FREM3: variants seen among roughly 807,000 people sequenced by gnomAD.
FREM3 encodes the protein FRAS1-related extracellular matrix protein 3.
Under a neutral mutation model 129.1 loss-of-function variants are expected in FREM3, and 105 were observed. That is an observed-to-expected ratio of 0.81 (90% CI 0.69 to 0.96). The LOEUF (loss-of-function observed/expected upper bound fraction) is 0.96, where lower values mean the gene tolerates loss of function less well. FREM3 is among the 40% of genes least tolerant of loss of function. FREM3 has a pLI of 0.00. For missense variants in FREM3, 2,593 were observed against 2,666.3 expected, an observed-to-expected ratio of 0.97 and a Z score of 0.61; for synonymous variants, 1,014 against 1,044.9, an observed-to-expected ratio of 0.97 and a Z score of 0.57.
At position 143,585,245 on chromosome 4, in the gene FREM3, A is replaced by T. The variant is rs1738218198; in HGVS notation, c.6178+599T>A. The stretch of plus-strand genomic sequence containing the variant: ...CAACTGCAAATGAGAAAATGTGGGC[A>T]TCAATGTACATGGAAATGTCCTTTT... On this transcript the variant is annotated intron_variant, in intron 7 of 7. Transcript: ENST00000329798. The surrounding 1 kb of genome is among the most constrained non-coding windows in gnomAD (Gnocchi z 4.2). Among the ~76,000 whole-genome samples, 1 of 152,244 alleles carries T rather than the reference A, an allele frequency of 6.6e-6. No individual in the cohort carries two copies. Among genetic ancestry groups the T allele is most frequent in the African/African-American group, 2.4e-5 (1 of 41,466 alleles).
At chr4:143,611,750 T>A (rs1161060589) in intron 5 of FREM3, among the ~76,000 whole-genome samples, 1 of 152,176 alleles carries the variant, frequency 6.6e-6, no homozygotes, top group East Asian at 1.9e-4. Context: ...ATAGAGTATA[T>A]TGAATAAGGT....
In FREM3 at chr4:143,699,385, G is replaced by A. The variant is rs1404598043; in HGVS notation, c.1291C>T (p.Leu431=). 1.3e-6 allele frequency: 2 copies of A among 1,537,314 alleles called. No homozygotes were observed. Among genetic ancestry groups the A allele is most frequent in the South Asian group, 1.2e-5 (1 of 84,066 alleles). Reference sequence around the variant, plus strand: ...CTGTTATGGCTAGCCACTGGGACCAGAGTATTCATGGATTTCACTGTCACC... The same window carrying A: ...CTGTTATGGCTAGCCACTGGGACCAAAGTATTCATGGATTTCACTGTCACC... ...FMVTVKSMNT[L]VPVASHNRGL... The change falls in exon 1 of 8, where the codon CTG becomes TTG. Residue 431 remains leucine (L), a synonymous_variant. Coordinates refer to ENST00000329798, the MANE Select transcript of FREM3 (RefSeq NM_001168235.2). This position sits in a 1 kb window ranked among gnomAD's most constrained non-coding sequence, Gnocchi z 4.2.
At chr4:143,642,552 A>C (rs569612822) in intron 2 of FREM3, among the ~76,000 whole-genome samples, 2 of 152,208 alleles carry the variant, frequency 1.3e-5, no homozygotes, top group South Asian at 4.1e-4. Flanking sequence ...AGTCTCTTCC[A>C]TAAATGGTGC....
intron 2 of FREM3, among the ~76,000 whole-genome samples, chr4:143,640,898 C>A (rs1398409037): frequency 6.6e-6 from 1 of 152,036 alleles, no homozygotes; most frequent in Non-Finnish European, 1.5e-5. Flanking sequence ...TATTATTTAA[C>A]TTTTTATTCA....
chr4:143,661,254 T>C lies in FREM3; in HGVS notation c.5275+31859A>G, dbSNP rs567263669. Reference sequence around the variant, plus strand: ...ATAGCTCTTATTATTTTGAGATACGTCCCATCAATACCTAATTTATTGAGA... The same window carrying C: ...ATAGCTCTTATTATTTTGAGATACGCCCCATCAATACCTAATTTATTGAGA... On this transcript the variant is annotated intron_variant, in intron 2 of 7. Coordinates refer to ENST00000329798, the MANE Select transcript of FREM3 (RefSeq NM_001168235.2). Among the ~76,000 whole-genome samples the C allele has an allele frequency of 5.4e-3, 826 of 152,330 alleles. 6 individuals carry two copies. The highest frequency in any genetic ancestry group is 0.019 in the African/African-American group (790 of 41,574).
chr4:143,585,099 T>A lies in FREM3; in HGVS notation c.6178+745A>T, dbSNP rs1442293713. Reference sequence around the variant, plus strand: ...AACTAATGAGAACAAAGATACAACATACCAGAACTTCTGGGACACAGCTAA... The same window carrying A: ...AACTAATGAGAACAAAGATACAACAAACCAGAACTTCTGGGACACAGCTAA... On this transcript the variant is annotated intron_variant, in intron 7 of 7. Transcript: ENST00000329798. This position sits in a 1 kb window ranked among gnomAD's most constrained non-coding sequence, Gnocchi z 4.2. 6.6e-6 allele frequency among the ~76,000 whole-genome samples: 1 copy of A among 152,160 alleles called. No homozygotes were observed. The highest frequency in any genetic ancestry group is 1.9e-4 in the East Asian group (1 of 5,198).
Position 143,609,454 on chromosome 4 carries a change from C to T in FREM3, c.6028+1825G>A, listed in dbSNP as rs182087523. 1.1e-4 allele frequency among the ~76,000 whole-genome samples: 16 copies of T among 151,816 alleles called. No homozygotes were observed. In the East Asian group the frequency reaches 3.1e-3, roughly 30 times the overall value. ...CATTGATTATAAAAAGAAGGATATA[C>T]TGTGAAGTGGACTATGTAGAAAATG... On this transcript the variant is annotated intron_variant, in intron 6 of 7. Transcript: ENST00000329798.
At position 143,624,232 on chromosome 4, in the gene FREM3, C is replaced by T. The variant is rs1297523048; in HGVS notation, c.5529G>A (p.Val1843=). 1.3e-6 allele frequency: 2 copies of T among 1,536,086 alleles called. No individual in the cohort carries two copies. Among genetic ancestry groups the T allele is most frequent in the South Asian group, 2.4e-5 (2 of 84,034 alleles). The part of the protein sequence containing the change: ...NPGQTTATWR[V]RIIPDNEYET... Reference sequence around the variant, plus strand: ...CATATTCATTGTCAGGTATAATTCTCACCCTCCATGTGGCTGTAGTCTGTC... The same window carrying T: ...CATATTCATTGTCAGGTATAATTCTTACCCTCCATGTGGCTGTAGTCTGTC... The change falls in exon 4 of 8, where the codon GTG becomes GTA. Residue 1843 remains valine, a synonymous_variant. Coordinates refer to ENST00000329798, the MANE Select transcript of FREM3 (RefSeq NM_001168235.2).
intron 2 of FREM3, among the ~76,000 whole-genome samples, chr4:143,650,471 G>A (rs1407951654): frequency 6.6e-6 from 1 of 152,180 alleles, no homozygotes; most frequent in African/African-American, 2.4e-5. Flanking sequence ...TCTGTGAATG[G>A]TGAACATGGA....
intron 2 of FREM3, among the ~76,000 whole-genome samples, chr4:143,668,104 A>G (rs1022332316): frequency 3.3e-5 from 5 of 152,222 alleles, no homozygotes; most frequent in Non-Finnish European, 7.3e-5. Context: ...TTTTCTAAAC[A>G]CTATTTAGCA....
intron 2 of FREM3, among the ~76,000 whole-genome samples, chr4:143,681,975 G>T (rs80319689): frequency 6.6e-6 from 1 of 152,020 alleles, no homozygotes. Context: ...GTTGGATGTC[G>T]CATAAATATA....
intron 5 of FREM3, among the ~76,000 whole-genome samples, chr4:143,615,823 A>T (rs1190763226): frequency 6.7e-6 from 1 of 148,884 alleles, no homozygotes; most frequent in Non-Finnish European, 1.5e-5. Flanking sequence ...CATAGAAGGG[A>T]TTCCCATTCA....
intron 6 of FREM3, among the ~76,000 whole-genome samples, chr4:143,595,748 T>C (rs903190226): frequency 4.6e-5 from 7 of 151,748 alleles, no homozygotes; most frequent in Admixed American, 6.6e-5. Context: ...ATTAGCCAGG[T>C]GTGGTGGCAG....
In FREM3 at chr4:143,627,688, A is replaced by G; in HGVS notation, c.5348T>C (p.Ile1783Thr). Reference protein sequence around the residue: ...AWICLEKEYYIVDEDSTFLEV... With the variant: ...AWICLEKEYYTVDEDSTFLEV... The stretch of plus-strand genomic sequence containing the variant: ...TAAGAATGTGGAATCTTCATCCACA[A>G]TGTAGTACTCTTTCTCCAAACAAAT... The change falls in exon 3 of 8, where the codon ATT (isoleucine) becomes ACT (threonine). Residue 1783 changes from isoleucine (I) to threonine (T), a missense_variant. Coordinates refer to ENST00000329798, the MANE Select transcript of FREM3 (RefSeq NM_001168235.2). The G allele has an allele frequency of 6.5e-7, 1 of 1,531,710 alleles. No individual in the cohort carries two copies. The highest frequency in any genetic ancestry group is 8.8e-7 in the Non-Finnish European group (1 of 1,141,922). 94.9% of individuals were successfully genotyped at this position (1,531,710 alleles called of 1,614,324 possible).
chr4:143,641,162 A>G (rs905011196), intron 2 of FREM3, among the ~76,000 whole-genome samples: 2 of 152,112 alleles, frequency 1.3e-5, no homozygotes, highest in Non-Finnish European at 2.9e-5. Context: ...AGCCAGAAAC[A>G]CTTATTTTTC....
intron 1 of FREM3, among the ~76,000 whole-genome samples, chr4:143,695,032 C>T (rs923644417): frequency 6.6e-6 from 1 of 152,108 alleles, no homozygotes. Flanking sequence ...GTAGAAATTA[C>T]GTTTGAATAG....
intron 3 of FREM3, among the ~76,000 whole-genome samples, chr4:143,626,160 TG>T (rs1739034238): frequency 6.6e-6 from 1 of 152,182 alleles, no homozygotes; most frequent in Admixed American, 6.5e-5. Context: ...AGTAGTATTG[TG>T]ATTTTAAAGA....
intron 2 of FREM3, among the ~76,000 whole-genome samples, chr4:143,690,508 A>AAACAACAACATCAACAAC (rs1296678896): frequency 1.3e-5 from 2 of 152,138 alleles, no homozygotes; most frequent in African/African-American, 2.4e-5. Flanking sequence ...CTGGTATGGG[A>AAACAACAACATCAACAAC]AACAACAACA....
chr4:143,700,045 T>C lies in FREM3; in HGVS notation c.631A>G (p.Thr211Ala), dbSNP rs747329797. ...GGGCCGTCCTCGTGAGGAAGTGGGG[T>C]AAGCCGGCACCTGCGGGTGGCCGTG... ...GATATRRCRL[T>A]PLPHEDGPLP... The change falls in exon 1 of 8, where the codon ACC becomes GCC. Residue 211 changes from threonine to alanine, a missense_variant. Around this residue, in one of 2 missense-constraint regions of FREM3, gnomAD observed 2,276 missense variants for 2,267.2 expected, o/e 1.00. Coordinates refer to ENST00000329798, the MANE Select transcript of FREM3 (RefSeq NM_001168235.2). 4.7e-5 allele frequency: 72 copies of C among 1,518,884 alleles called. No homozygotes were observed. Among genetic ancestry groups the C allele is most frequent in the Non-Finnish European group, 6.2e-6 (7 of 1,135,584 alleles). The allele number at this position is 1,518,884 out of a possible 1,614,324, so 94.1% of individuals were successfully genotyped here. A position where few individuals can be genotyped will look rare whatever the true frequency, so the allele number is the denominator to read the frequency against.
Sources: allele counts gnomAD v4.1 joint callset (sites outside exome capture counted in the v4.1 genomes callset), GRCh38; gene constraint gnomAD v4.1.1; regional missense constraint gnomAD v4.1.1; non-coding constraint Gnocchi (gnomAD v3.1); transcripts MANE v1.5; gene names NCBI Gene and HGNC (gene_info 2026-07-23, HGNC 2026-07-21).